Variants in ABI3BP observed in about 807,000 individuals in gnomAD.
ABI3BP encodes target of Nesh-SH3.
In ABI3BP, 216 loss-of-function variants were observed where a neutral mutation model predicts 268.6. The ratio of observed to expected loss-of-function variants is 0.80; its 90% CI spans 0.72 to 0.90. The LOEUF (loss-of-function observed/expected upper bound fraction) is 0.90. Among genes scored for constraint, ABI3BP ranks in the 40% least tolerant of loss-of-function variants. The pLI is 0.00. For missense variants in ABI3BP, 2,090 were observed against 2,182.4 expected, an observed-to-expected ratio of 0.96 and a Z score of 0.84; for synonymous variants, 730 against 730.0, an observed-to-expected ratio of 1.00 and a Z score of 0.00.
intron 61 of ABI3BP, among the ~76,000 whole-genome samples, chr3:100,772,346 T>C (rs1304229986): frequency 6.6e-6 from 1 of 152,226 alleles, no homozygotes; most frequent in Non-Finnish European, 1.5e-5. Flanking sequence ...ACATACACAA[T>C]GTTTTTCTTA....
At chr3:100,835,161 T>A (rs1023611076) in intron 28 of ABI3BP, among the ~76,000 whole-genome samples, 2 of 152,192 alleles carry the variant, frequency 1.3e-5, no homozygotes, top group African/African-American at 4.8e-5. Flanking sequence ...CCATTACAAG[T>A]TATTAGTATA....
chr3:100,786,456 G>T (rs1362631755), intron 57 of ABI3BP, among the ~76,000 whole-genome samples: 1 of 152,088 alleles, frequency 6.6e-6, no homozygotes, highest in Non-Finnish European at 1.5e-5. Context: ...TATAATAATG[G>T]TTTGTTTCCC....
chr3:100,897,804 AAAGG>A (rs2048426840), intron 4 of ABI3BP, among the ~76,000 whole-genome samples: 1 of 152,206 alleles, frequency 6.6e-6, no homozygotes, highest in African/African-American at 2.4e-5. Flanking sequence ...TTTTATTCAA[AAAGG>A]AATAAGAAAA....
chr3:100,925,536 C>T (rs990363043), intron 2 of ABI3BP, among the ~76,000 whole-genome samples: 1 of 152,008 alleles, frequency 6.6e-6, no homozygotes, highest in African/African-American at 2.4e-5. Flanking sequence ...ACTTTAGCCT[C>T]ACAAGTAGCT....
chr3:100,907,916 C>A (rs1228524719), intron 2 of ABI3BP, among the ~76,000 whole-genome samples: 1 of 151,984 alleles, frequency 6.6e-6, no homozygotes, highest in Non-Finnish European at 1.5e-5. Flanking sequence ...GAGATCGAGA[C>A]CATCCTGGCT....
chr3:100,862,195 T>A (rs1440687881), intron 14 of ABI3BP, 116 bp downstream of exon 14: 2 of 747,584 alleles, frequency 2.7e-6, no homozygotes, highest in Non-Finnish European at 4.3e-6. Flanking sequence ...AAATGTATGA[T>A]AGATTTTCCA....
At chr3:100,864,178 C>G (rs1010769583) in intron 11 of ABI3BP, 102 bp from the exon 12 acceptor site, 17 of 764,428 alleles carry the variant, frequency 2.2e-5, no homozygotes, top group African/African-American at 2.1e-4. Flanking sequence ...GACTCTTGCA[C>G]ACAGAGCAGC....
rs542048696 is a variant in ABI3BP, at chr3:100,770,387, G to T, written c.4741+356C>A. On this transcript the variant is annotated intron_variant, in intron 62 of 67. Coordinates refer to ENST00000471714, the MANE Select transcript of ABI3BP (RefSeq NM_001375547.2). ...CTGCTAGAAAGTTCTAGGTCAATAAGAAATGGGGTTGGTGAAAGGAAAATT... is the reference window on the plus strand; with the variant it reads ...CTGCTAGAAAGTTCTAGGTCAATAATAAATGGGGTTGGTGAAAGGAAAATT... Among the ~76,000 whole-genome samples, 7 of 152,304 alleles carry T rather than the reference G, an allele frequency of 4.6e-5. No homozygotes were observed. The South Asian group carries it at 1.4e-3, about 32-fold the overall frequency.
At chr3:100,847,502 G>T in intron 19 of ABI3BP, 100 bp downstream of exon 19, 1 of 1,022,030 alleles carries the variant, frequency 9.8e-7, no homozygotes, top group Non-Finnish European at 1.5e-6. Flanking sequence ...GAACCGTTTT[G>T]AGTATCTTAA....
chr3:100,908,038 C>T (rs961035433), intron 2 of ABI3BP, among the ~76,000 whole-genome samples: 1 of 151,368 alleles, frequency 6.6e-6, no homozygotes, highest in Non-Finnish European at 1.5e-5. Context: ...ATGGTGTGAA[C>T]CTGGGAGGCA....
At chr3:100,863,956 C>A (rs1275769235) in intron 12 of ABI3BP, 46 bp downstream of exon 12, 10 of 1,318,230 alleles carry the variant, frequency 7.6e-6, no homozygotes, top group Non-Finnish European at 9.5e-6. Flanking sequence ...AGCATGCATA[C>A]AATATCCAAG....
intron 32 of ABI3BP, 27 bp from the exon 33 acceptor site, chr3:100,829,691 AC>A: frequency 6.6e-7 from 1 of 1,505,912 alleles, no homozygotes; most frequent in South Asian, 1.2e-5. Flanking sequence ...TCAGGTTAAT[AC>A]AGCGTGTTTG....
At chr3:100,912,408 C>A (rs547476831) in intron 2 of ABI3BP, among the ~76,000 whole-genome samples, 15 of 149,770 alleles carry the variant, frequency 1.0e-4, no homozygotes, top group African/African-American at 3.4e-4. Context: ...TAATTAGCAA[C>A]TTGTTTCTTA....
intron 57 of ABI3BP, among the ~76,000 whole-genome samples, chr3:100,785,856 T>C (rs2097024234): frequency 6.6e-6 from 1 of 152,182 alleles, no homozygotes; most frequent in Non-Finnish European, 1.5e-5. Flanking sequence ...TGGGGATGAA[T>C]TTAAAATTTT....
intron 14 of ABI3BP, among the ~76,000 whole-genome samples, chr3:100,859,767 T>C (rs114790020): frequency 6.6e-6 from 1 of 152,170 alleles, no homozygotes; most frequent in South Asian, 2.1e-4. Context: ...CAAGAGATAC[T>C]TAACTACCCA....
rs1197652800 is a variant in ABI3BP, at chr3:100,832,218, C to G, written c.2401+46G>C. On this transcript the variant is annotated intron_variant, in intron 31 of 67. Coordinates refer to ENST00000471714, the MANE Select transcript of ABI3BP (RefSeq NM_001375547.2). ...TGTACATAGAACTTACAGTCCCAAC[C>G]GTGGTAGACTGCTTGGATTCTACAA... 3.3e-6 allele frequency: 5 copies of G among 1,503,186 alleles called. No individual in the cohort carries two copies. In the East Asian group the frequency reaches 1.2e-4, roughly 37 times the overall value. The allele number at this position is 1,503,186 out of a possible 1,614,324, so 93.1% of individuals were successfully genotyped here.
chr3:100,926,199 G>A (rs1447059382), intron 2 of ABI3BP, 103 bp downstream of exon 2: 15 of 1,195,488 alleles, frequency 1.3e-5, no homozygotes, highest in Non-Finnish European at 1.8e-5. Flanking sequence ...ATTAAGCTAA[G>A]GATGTAGAAA....
In ABI3BP at chr3:100,959,612, G is replaced by T. The variant is rs191365741; in HGVS notation, c.80-33131C>A. ...ACAAGTAACAGTAGTCTACTGCCCAGGGGAGCATTTAAAGGTTGGAGAAAA... is the reference window on the plus strand; with the variant it reads ...ACAAGTAACAGTAGTCTACTGCCCATGGGAGCATTTAAAGGTTGGAGAAAA... On this transcript the variant is annotated intron_variant, in intron 1 of 67. Transcript: ENST00000471714. Among the ~76,000 whole-genome samples the T allele has an allele frequency of 2.6e-5, 4 of 151,922 alleles. No homozygotes were observed. The South Asian group carries it at 6.2e-4, about 24-fold the overall frequency.
Position 100,830,521 on chromosome 3 carries a change from G to T in ABI3BP, c.2458+57C>A, listed in dbSNP as rs1560545775. 4 of 1,422,270 alleles carry T rather than the reference G, an allele frequency of 2.8e-6. No individual in the cohort carries two copies. The East Asian group carries it at 9.9e-5, about 35-fold the overall frequency. 88.1% of individuals were successfully genotyped at this position (1,422,270 alleles called of 1,614,324 possible). A position where few individuals can be genotyped will look rare whatever the true frequency, so the allele number is the denominator to read the frequency against. On this transcript the variant is annotated intron_variant, in intron 32 of 67. Transcript: ENST00000471714. Reference sequence around the variant, plus strand: ...GAGAAGCTGTGGTTATGATGGTGATGAATGGGTTTGAAATGAGCAGGAGAG... The same window carrying T: ...GAGAAGCTGTGGTTATGATGGTGATTAATGGGTTTGAAATGAGCAGGAGAG...
Sources: allele counts gnomAD v4.1 joint callset (sites outside exome capture counted in the v4.1 genomes callset), GRCh38; gene constraint gnomAD v4.1.1; transcripts MANE v1.5; gene names NCBI Gene and HGNC (gene_info 2026-07-23, HGNC 2026-07-21).